The following STX12 variants were observed in gnomAD, a reference collection of about 807,000 sequenced individuals.
STX12 encodes the protein syntaxin-12.
A neutral mutation model predicts 42.2 loss-of-function variants in STX12; 17 were observed. The observed-to-expected ratio is 0.40, with a 90% CI of 0.28 to 0.60. The LOEUF (loss-of-function observed/expected upper bound fraction) is 0.60, where lower values mean the gene tolerates loss of function less well. Among genes scored for constraint, STX12 ranks in the 20% least tolerant of loss-of-function variants. STX12 has a pLI of 0.39. For missense variants in STX12, 297 were observed against 330.9 expected (o/e 0.90, Z 0.79); for synonymous variants, 108 against 116.7 (o/e 0.93, Z 0.48).
intron 8 of STX12, among the ~76,000 whole-genome samples, chr1:27,821,047 T>G: frequency 6.8e-6 from 1 of 146,514 alleles, no homozygotes. Flanking sequence ...GGGATAGCAT[T>G]GGGAGATATA....
At chr1:27,781,343 C>G (rs899034059) in intron 1 of STX12, among the ~76,000 whole-genome samples, 2 of 152,078 alleles carry the variant, frequency 1.3e-5, no homozygotes, top group African/African-American at 4.8e-5. Flanking sequence ...CACGACCAGC[C>G]CCAGTGGTGA....
rs111800424 is a variant in STX12 at position 27,813,420 on chromosome 1, C to A, written c.576+1152C>A. On this transcript the variant is annotated intron_variant, in intron 6 of 8. Coordinates refer to ENST00000373943, the MANE Select transcript of STX12 (RefSeq NM_177424.3). ...TGAACTTCTGACCTCAAGTGATCTG[C>A]CTGCTTCAGCCTCCCAAAGTGCTGG... Among the ~76,000 whole-genome samples the A allele has an allele frequency of 3.9e-5, 6 of 152,276 alleles. 2 individuals carry two copies. The highest frequency in any genetic ancestry group is 1.4e-4 in the African/African-American group (6 of 41,572).
intron 4 of STX12, among the ~76,000 whole-genome samples, chr1:27,805,469 CCA>C (rs1462310067): frequency 5.8e-4 from 88 of 152,054 alleles, no homozygotes; most frequent in African/African-American, 1.7e-3. Context: ...GTCTGGCTTA[CCA>C]GAAGGCAGCT....
chr1:27,818,968 C>A (rs570829648), intron 7 of STX12, among the ~76,000 whole-genome samples: 1 of 151,792 alleles, frequency 6.6e-6, no homozygotes, highest in Non-Finnish European at 1.5e-5. Context: ...GAAATAATTT[C>A]GAGTTTATTA....
intron 1 of STX12, among the ~76,000 whole-genome samples, chr1:27,779,570 G>A (rs112485244): frequency 0.049 from 7,378 of 152,022 alleles, 410 homozygotes; most frequent in East Asian, 0.25. Flanking sequence ...GACCTCAGAT[G>A]ATCCACCTGC....
intron 4 of STX12, among the ~76,000 whole-genome samples, chr1:27,805,579 A>G (rs1177498539): frequency 1.4e-4 from 21 of 152,164 alleles, no homozygotes; most frequent in Admixed American, 1.2e-3. Context: ...GAATTTGACT[A>G]TTTACTTACT....
In STX12 at chr1:27,779,578, T is replaced by C. The variant is rs538561453; in HGVS notation, c.118+6153T>C. The stretch of plus-strand genomic sequence containing the variant: ...AACTCCTGACCTCAGATGATCCACC[T>C]GCCTCGGCCTCCGAAAGTGCTGGGA... On this transcript the variant is annotated intron_variant, in intron 1 of 8. Coordinates refer to ENST00000373943, the MANE Select transcript of STX12 (RefSeq NM_177424.3). Among the ~76,000 whole-genome samples the C allele has an allele frequency of 3.9e-5, 6 of 151,992 alleles. No individual in the cohort carries two copies. In the South Asian group the frequency reaches 1.2e-3, roughly 32 times the overall value.
At chr1:27,813,462 C>T (rs1426803376) in intron 6 of STX12, among the ~76,000 whole-genome samples, 1 of 152,210 alleles carries the variant, frequency 6.6e-6, no homozygotes, top group Non-Finnish European at 1.5e-5. Flanking sequence ...TGGCATGAAC[C>T]ACTGTGCCCA....
At chr1:27,816,728 C>T (rs1193154387) in intron 6 of STX12, among the ~76,000 whole-genome samples, 3 of 151,348 alleles carry the variant, frequency 2.0e-5, no homozygotes, top group Non-Finnish European at 4.4e-5. Flanking sequence ...ACCAGCCTGG[C>T]CAACATGGTG....
chr1:27,812,518 T>G lies in STX12; in HGVS notation c.576+250T>G, dbSNP rs2088910336. On this transcript the variant is annotated intron_variant, in intron 6 of 8. Transcript: ENST00000373943. The stretch of plus-strand genomic sequence containing the variant: ...GTGCAGTGGTGTGATCTTGGCTCAC[T>G]GCAACCTCTGCCTCCTGGGTTCGAG... 5.3e-5 allele frequency among the ~76,000 whole-genome samples: 8 copies of G among 151,844 alleles called. No homozygotes were observed. The South Asian group carries it at 1.7e-3, about 32-fold the overall frequency.
At chr1:27,816,335 G>C (rs566464420) in intron 6 of STX12, among the ~76,000 whole-genome samples, 1 of 151,736 alleles carries the variant, frequency 6.6e-6, no homozygotes, top group Non-Finnish European at 1.5e-5. Flanking sequence ...ATAGCCGGGC[G>C]TGGTGGTGCA....
At chr1:27,776,466 C>T (rs986888311) in intron 1 of STX12, among the ~76,000 whole-genome samples, 3 of 152,132 alleles carry the variant, frequency 2.0e-5, no homozygotes, top group Non-Finnish European at 4.4e-5. Flanking sequence ...GTAATCCCAG[C>T]ACTTTAGGAG....
chr1:27,779,381 T>C (rs2088651245), intron 1 of STX12, among the ~76,000 whole-genome samples: 1 of 151,314 alleles, frequency 6.6e-6, no homozygotes, highest in African/African-American at 2.5e-5. Context: ...TCGCCCAGGC[T>C]GGAGTGCCAT....
intron 7 of STX12, 79 bp downstream of exon 7, chr1:27,818,002 G>T: frequency 1.6e-6 from 2 of 1,233,308 alleles, no homozygotes; most frequent in Non-Finnish European, 2.4e-6. Context: ...CTACTCAGAA[G>T]GCTGAGGCTG....
intron 1 of STX12, 48 bp downstream of exon 1, chr1:27,773,473 G>C (rs749446736): frequency 1.3e-6 from 2 of 1,564,156 alleles, no homozygotes; most frequent in Non-Finnish European, 1.8e-6. Context: ...CCGGGGACAG[G>C]CCTGGGTGAG....
In STX12 at chr1:27,819,429, A is replaced by C. The variant is rs116618088; in HGVS notation, c.650-221A>C. On this transcript the variant is annotated intron_variant, in intron 7 of 8. Coordinates refer to ENST00000373943, the MANE Select transcript of STX12 (RefSeq NM_177424.3). ...ATGTGTATCTACATAATTTTTTATG[A>C]ATCATTTATGGGTAAGTTAAATACT... Among the ~76,000 whole-genome samples, 926 of 152,062 alleles carry C rather than the reference A, an allele frequency of 6.1e-3. 12 individuals carry two copies. Among genetic ancestry groups the C allele is most frequent in the African/African-American group, 0.021 (877 of 41,448 alleles).
chr1:27,818,142 G>A, intron 7 of STX12: 1 of 458,036 alleles, frequency 2.2e-6, no homozygotes, highest in South Asian at 2.5e-5. Flanking sequence ...CAGCACTTTG[G>A]GAAGCCCAAG....
intron 6 of STX12, among the ~76,000 whole-genome samples, chr1:27,815,824 A>C (rs781169513): frequency 1.6e-4 from 24 of 152,164 alleles, no homozygotes; most frequent in Non-Finnish European, 3.1e-4. Context: ...CCATATGAGC[A>C]CCCCTTTAAT....
At chr1:27,814,087 G>A (rs543126684) in intron 6 of STX12, among the ~76,000 whole-genome samples, 54 of 152,152 alleles carry the variant, frequency 3.5e-4, no homozygotes, top group Non-Finnish European at 6.9e-4. Context: ...TTTTAGTAGA[G>A]ACGAGGTTTT....
Sources: gnomAD v4.1 joint callset for allele counts (sites outside exome capture counted in the v4.1 genomes callset) on GRCh38, gnomAD v4.1.1 for gene constraint, MANE v1.5 for transcripts, NCBI Gene and HGNC (gene_info 2026-07-23, HGNC 2026-07-21) for gene names.